The following HTR2C variants were observed in gnomAD, a reference collection of about 807,000 sequenced individuals.
The protein encoded by HTR2C is 5-hydroxytryptamine (serotonin) receptor 2C, G protein-coupled.
In HTR2C, 5 loss-of-function variants were observed where a neutral mutation model predicts 21.0. The observed-to-expected ratio is 0.24, with a 90% confidence interval of 0.12 to 0.50. HTR2C has a LOEUF of 0.50. Among genes scored for constraint, HTR2C ranks in the 20% least tolerant of loss-of-function variants. HTR2C has a pLI of 0.98. For synonymous variants in HTR2C, 150 were observed against 145.3 expected (o/e 1.03, Z -0.23); for missense variants, 271 against 371.2 (o/e 0.73, Z 2.22).
chrX:114,776,058 TA>T, intron 4 of HTR2C: 1 of 451,658 alleles, frequency 2.2e-6, no homozygotes, highest in Non-Finnish European at 3.9e-6. Context: ...AACTCAGCAA[TA>T]AAATGGCTGA....
chrX:114,844,056 A>C (rs2070855396), intron 4 of HTR2C, among the ~76,000 whole-genome samples: 2 of 111,795 alleles, frequency 1.8e-5, no homozygotes, highest in South Asian at 7.4e-4. Context: ...AGAAATAAAA[A>C]ACAACAAAAG....
chrX:114,652,179 T>C (rs1930600221), intron 2 of HTR2C, among the ~76,000 whole-genome samples: 1 of 111,623 alleles, frequency 9.0e-6, no homozygotes, highest in Non-Finnish European at 1.9e-5. Context: ...TGATTTGAAA[T>C]AGGAAAAAAA....
chrX:114,731,198 A>G lies in HTR2C; in HGVS notation c.36-96A>G, dbSNP rs1350851989. On this transcript the variant is annotated intron_variant, in intron 3 of 5. Transcript: ENST00000276198. ...GATGCTGATGATGATAATGATGACA[A>G]TGATCCATGAAGAAGCAGTTGTTTT... 3 of 519,299 alleles carry G rather than the reference A, an allele frequency of 5.8e-6. No homozygotes were observed. In the Admixed American group the frequency reaches 1.0e-4, roughly 17 times the overall value. The allele number at this position is 519,299 out of a possible 1,213,427, so 42.8% of individuals were successfully genotyped here. A position where few individuals can be genotyped will look rare whatever the true frequency, so the allele number is the denominator to read the frequency against.
chrX:114,879,121 C>T (rs1234502678), intron 5 of HTR2C, among the ~76,000 whole-genome samples: 1 of 107,456 alleles, frequency 9.3e-6, no homozygotes, highest in Non-Finnish European at 1.9e-5. Context: ...CTATTTTTTC[C>T]ATCAATTCTG....
chrX:114,749,453 C>CAAAAAAAAAAACAAAAAAA (rs2069737974), intron 4 of HTR2C, among the ~76,000 whole-genome samples: 1 of 41,906 alleles, frequency 2.4e-5, no homozygotes, highest in Admixed American at 4.7e-4. Flanking sequence ...GTCCATGTCT[C>CAAAAAAAAAAACAAAAAAA]AAAAAAAAAA....
intron 2 of HTR2C, among the ~76,000 whole-genome samples, chrX:114,638,519 A>ATTTATTTAT (rs80169124): frequency 2.0e-5 from 2 of 101,485 alleles, no homozygotes; most frequent in African/African-American, 3.6e-5. Flanking sequence ...TTATTTATTT[A>ATTTATTTAT]TTATTTTTTT....
intron 4 of HTR2C, among the ~76,000 whole-genome samples, chrX:114,756,586 A>G (rs2069815853): frequency 8.9e-6 from 1 of 112,242 alleles, no homozygotes; most frequent in African/African-American, 3.2e-5. Flanking sequence ...ATCCCAAAAC[A>G]TGACATGCTG....
At chrX:114,589,142 C>T (rs1927526656) in intron 1 of HTR2C, among the ~76,000 whole-genome samples, 1 of 112,078 alleles carries the variant, frequency 8.9e-6, no homozygotes. Context: ...AGTCTTTTAA[C>T]AGAACAAATT....
intron 2 of HTR2C, among the ~76,000 whole-genome samples, chrX:114,643,149 A>G (rs147853120): frequency 0.021 from 2,293 of 111,432 alleles, 63 homozygotes; most frequent in African/African-American, 0.071. Flanking sequence ...CTTTCATTCT[A>G]TGTAAGTGAA....
chrX:114,644,358 A>AT (rs1569480834), intron 2 of HTR2C, among the ~76,000 whole-genome samples: 14 of 16,507 alleles, frequency 8.5e-4, no homozygotes, highest in Non-Finnish European at 1.2e-3. Context: ...TAAATAAATA[A>AT]ATAAATATAT....
chrX:114,726,527 T>C (rs1467498356), intron 2 of HTR2C, among the ~76,000 whole-genome samples: 2 of 112,705 alleles, frequency 1.8e-5, no homozygotes, highest in African/African-American at 6.4e-5. Context: ...TCTTCGGCCA[T>C]CTTGAGAAGT....
At chrX:114,765,537 C>T (rs1281965049) in intron 4 of HTR2C, among the ~76,000 whole-genome samples, 3 of 110,690 alleles carry the variant, frequency 2.7e-5, no homozygotes, top group Non-Finnish European at 5.7e-5. Flanking sequence ...ATTCTCCCAG[C>T]TAGCCAGAGT....
At chrX:114,831,148 C>T (rs1438168565) in intron 4 of HTR2C, among the ~76,000 whole-genome samples, 3 of 94,774 alleles carry the variant, frequency 3.2e-5, no homozygotes, top group Admixed American at 1.2e-4. Context: ...AATAATGCCG[C>T]AATAAACATA....
intron 2 of HTR2C, among the ~76,000 whole-genome samples, chrX:114,703,385 C>T (rs1468435858): frequency 9.1e-6 from 1 of 110,223 alleles, no homozygotes; most frequent in Admixed American, 9.7e-5. Flanking sequence ...GCAATCAAAC[C>T]AGAACTCAGG....
At chrX:114,605,177 A>G (rs1361372772) in intron 1 of HTR2C, among the ~76,000 whole-genome samples, 1,043 of 81,453 alleles carry the variant, frequency 0.013, no homozygotes, top group East Asian at 0.039. Context: ...AACCTTGACT[A>G]TGCCTTTAGC....
intron 1 of HTR2C, among the ~76,000 whole-genome samples, chrX:114,600,327 G>A (rs1292290411): frequency 8.9e-6 from 1 of 112,005 alleles, no homozygotes; most frequent in Non-Finnish European, 1.9e-5. Context: ...ACAACAACAT[G>A]CTCTCAGTAT....
At chrX:114,666,531 G>T (rs782014919) in intron 2 of HTR2C, among the ~76,000 whole-genome samples, 1 of 111,580 alleles carries the variant, frequency 9.0e-6, no homozygotes, top group East Asian at 2.8e-4. Context: ...ACAATGAATA[G>T]AGAACTTGAG....
chrX:114,764,891 C>CT (rs1334749511), intron 4 of HTR2C, among the ~76,000 whole-genome samples: 2 of 58,285 alleles, frequency 3.4e-5, no homozygotes, highest in Non-Finnish European at 6.8e-5. Context: ...TTCTTTCTTT[C>CT]TTTCTTTCTT....
intron 5 of HTR2C, among the ~76,000 whole-genome samples, chrX:114,873,486 G>A (rs782572501): frequency 9.0e-6 from 1 of 111,057 alleles, no homozygotes; most frequent in South Asian, 3.7e-4. Context: ...TTTTTCTCAT[G>A]AGTACTAAAT....
Sources: gnomAD v4.1 joint callset for allele counts (sites outside exome capture counted in the v4.1 genomes callset) on GRCh38, gnomAD v4.1.1 for gene constraint, MANE v1.5 for transcripts, NCBI Gene and HGNC (gene_info 2026-07-23, HGNC 2026-07-21) for gene names.